Variants in SOX6 observed in about 807,000 individuals in gnomAD.
The protein encoded by SOX6 is transcription factor SOX-6.
A neutral mutation model predicts 97.8 loss-of-function variants in SOX6; 11 were observed. That is an observed-to-expected ratio of 0.11 (90% CI 0.07 to 0.19). SOX6 has a LOEUF of 0.19. Among genes scored for constraint, SOX6 ranks in the 10% least tolerant of loss-of-function variants. The pLI, the probability that SOX6 is intolerant of heterozygous loss-of-function variation, is 1.00. For synonymous variants in SOX6, 360 were observed against 371.4 expected, an observed-to-expected ratio of 0.97 and a Z score of 0.35; for missense variants, 810 against 1,039.5, an observed-to-expected ratio of 0.78 and a Z score of 3.04.
At chr11:16,705,359 T>C (rs1848124259) in intron 3 of SOX6, among the ~76,000 whole-genome samples, 1 of 152,110 alleles carries the variant, frequency 6.6e-6, no homozygotes, top group Admixed American at 6.5e-5. Context: ...GTGTGGTAGC[T>C]CACACCTGTA....
intron 1 of SOX6, among the ~76,000 whole-genome samples, chr11:16,418,680 G>A (rs953341623): frequency 6.6e-6 from 1 of 152,002 alleles, no homozygotes; most frequent in African/African-American, 2.4e-5. Context: ...CAAAAAGTTG[G>A]GGGCAACAAC....
intron 4 of SOX6, among the ~76,000 whole-genome samples, chr11:16,198,042 GT>G (rs1851831926): frequency 3.1e-5 from 1 of 32,706 alleles, no homozygotes; most frequent in Non-Finnish European, 5.5e-5. Flanking sequence ...TGTTGTTGTT[GT>G]TGTTGTTGTT....
At chr11:16,067,770 C>A (rs1685586906) in intron 9 of SOX6, among the ~76,000 whole-genome samples, 2 of 152,096 alleles carry the variant, frequency 1.3e-5, no homozygotes, top group African/African-American at 4.8e-5. Context: ...CCAAACATTT[C>A]ATGTATCTCA....
chr11:16,472,560 T>C (rs1272259675), intron 1 of SOX6, among the ~76,000 whole-genome samples: 1 of 152,156 alleles, frequency 6.6e-6, no homozygotes, highest in Non-Finnish European at 1.5e-5. Flanking sequence ...TACATAAGAC[T>C]TACATCTAAA....
chr11:16,428,224 T>C (rs1859192857), intron 1 of SOX6, among the ~76,000 whole-genome samples: 1 of 152,180 alleles, frequency 6.6e-6, no homozygotes, highest in Non-Finnish European at 1.5e-5. Flanking sequence ...TTCTGGATAT[T>C]AGCCCTTTGT....
At chr11:16,034,859 A>G (rs1855476896) in intron 12 of SOX6, among the ~76,000 whole-genome samples, 4 of 152,168 alleles carry the variant, frequency 2.6e-5, no homozygotes, top group Admixed American at 2.0e-4. Flanking sequence ...ACTGAGATAG[A>G]CACACAGACA....
At chr11:16,388,891 T>C (rs1858077111) in intron 1 of SOX6, among the ~76,000 whole-genome samples, 1 of 152,210 alleles carries the variant, frequency 6.6e-6, no homozygotes, top group Non-Finnish European at 1.5e-5. Context: ...TTCTTACGAC[T>C]GTACATTTAT....
rs184429976 is a variant in SOX6 at position 16,710,718 on chromosome 11, T to G, written n.429+4112A>C. On this transcript the variant is annotated intron_variant and non_coding_transcript_variant, in intron 3 of 5. Transcript: ENST00000524520. The stretch of plus-strand genomic sequence containing the variant: ...TCCTGGATGACCTTATCCATTCCCA[T>G]GGATTTGAATACCATCCCTTTATTG... 6.6e-5 allele frequency among the ~76,000 whole-genome samples: 10 copies of G among 152,350 alleles called. No homozygotes were observed. The East Asian group carries it at 1.9e-3, about 29-fold the overall frequency.
At chr11:16,039,104 T>A (rs938848154) in intron 12 of SOX6, among the ~76,000 whole-genome samples, 7 of 152,158 alleles carry the variant, frequency 4.6e-5, no homozygotes, top group Non-Finnish European at 2.9e-5. Context: ...ATGACAAGAA[T>A]TTTTGTGCAC....
At chr11:16,707,582 T>C (rs1239648801) in intron 3 of SOX6, among the ~76,000 whole-genome samples, 1 of 152,192 alleles carries the variant, frequency 6.6e-6, no homozygotes, top group African/African-American at 2.4e-5. Flanking sequence ...AGCTCTCCTT[T>C]ATTCATGAGG....
chr11:16,097,762 C>G (rs1418556171), intron 7 of SOX6, 74 bp from the exon 8 acceptor site: 19 of 1,327,444 alleles, frequency 1.4e-5, no homozygotes, highest in Non-Finnish European at 2.1e-5. Flanking sequence ...AAACATGGTC[C>G]TTGGATTGCC....
chr11:16,689,038 C>T lies in SOX6; in HGVS notation n.429+25792G>A, dbSNP rs113842273. ...CCACTTCTGAGTTTTCTACCTTATG[C>T]CCTTATTAATTATGATATTTTTCTA... On this transcript the variant is annotated intron_variant and non_coding_transcript_variant, in intron 3 of 5. Coordinates refer to the SOX6 transcript ENST00000524520. 4.4e-3 allele frequency among the ~76,000 whole-genome samples: 676 copies of T among 152,186 alleles called. 3 individuals are homozygous for T. The highest frequency in any genetic ancestry group is 8.0e-3 in the Non-Finnish European group (542 of 68,010).
intron 3 of SOX6, among the ~76,000 whole-genome samples, chr11:16,679,165 T>A (rs1847907359): frequency 6.6e-6 from 1 of 152,168 alleles, no homozygotes; most frequent in Non-Finnish European, 1.5e-5. Context: ...CTCAAGTGGG[T>A]CCCTGACCCC....
chr11:16,532,005 T>C (rs1861243331), intron 4 of SOX6, among the ~76,000 whole-genome samples: 1 of 151,920 alleles, frequency 6.6e-6, no homozygotes, highest in African/African-American at 2.4e-5. Context: ...AGCTTTGTTG[T>C]CTTTGTCTTA....
chr11:16,088,340 G>A (rs753138253), intron 9 of SOX6, among the ~76,000 whole-genome samples: 15 of 152,046 alleles, frequency 9.9e-5, no homozygotes, highest in East Asian at 5.8e-4. Flanking sequence ...CACTCTTGGC[G>A]TTGTACATTT....
chr11:16,526,400 G>T (rs1261370852), intron 4 of SOX6, among the ~76,000 whole-genome samples: 1 of 151,352 alleles, frequency 6.6e-6, no homozygotes, highest in Non-Finnish European at 1.5e-5. Flanking sequence ...ACCAAACACC[G>T]CATGTTCTCA....
Position 16,179,183 on chromosome 11 carries a change from C to T in SOX6, c.777+4703G>A, listed in dbSNP as rs1323205208. On this transcript the variant is annotated intron_variant, in intron 6 of 15. Transcript: ENST00000683767. ...GAAGGAAACAAAAGGTAAGGTCTAT[C>T]TCCTTAAAAGGTGAGAGGACATCTC... 2.0e-5 allele frequency among the ~76,000 whole-genome samples: 3 copies of T among 151,842 alleles called. No individual in the cohort carries two copies. The South Asian group carries it at 6.2e-4, about 31-fold the overall frequency.
intron 3 of SOX6, among the ~76,000 whole-genome samples, chr11:16,277,544 A>G (rs756680831): frequency 6.6e-6 from 1 of 152,262 alleles, no homozygotes; most frequent in Non-Finnish European, 1.5e-5. Context: ...ACAAAGAAGC[A>G]GATAGAATAA....
intron 4 of SOX6, among the ~76,000 whole-genome samples, chr11:16,521,244 C>T (rs984444659): frequency 6.6e-5 from 10 of 152,254 alleles, no homozygotes; most frequent in East Asian, 3.9e-4. Context: ...TAGGGGCAGA[C>T]GGACACCTCA....
Sources: allele counts gnomAD v4.1 joint callset (sites outside exome capture counted in the v4.1 genomes callset), GRCh38; gene constraint gnomAD v4.1.1; transcripts MANE v1.5; gene names NCBI Gene and HGNC (gene_info 2026-07-23, HGNC 2026-07-21).